GALNT13: variants seen among roughly 807,000 people sequenced by gnomAD.
The protein encoded by GALNT13 is UDP-GalNAc:polypeptide N-acetylgalactosaminyltransferase 13.
Under a neutral mutation model 64.2 loss-of-function variants are expected in GALNT13, and 28 were observed. That is an observed-to-expected ratio of 0.44 (90% CI 0.32 to 0.60). The LOEUF (loss-of-function observed/expected upper bound fraction) is 0.60, where lower values mean the gene tolerates loss of function less well. Among genes scored for constraint, GALNT13 ranks in the 20% least tolerant of loss-of-function variants. The pLI, the probability that GALNT13 is intolerant of heterozygous loss-of-function variation, is 0.05. For synonymous variants in GALNT13, 214 were observed against 224.6 expected (o/e 0.95, Z 0.42); for missense variants, 577 against 669.8 (o/e 0.86, Z 1.53).
At chr2:153,715,572 A>T in the GALNT13 span, among the ~76,000 whole-genome samples, 1 of 152,264 alleles carries the variant, frequency 6.6e-6, no homozygotes, top group Admixed American at 6.5e-5. Flanking sequence ...GAAAACATAC[A>T]TAAATTAAGA....
the GALNT13 span, among the ~76,000 whole-genome samples, chr2:153,199,746 A>G: frequency 2.6e-5 from 4 of 152,344 alleles, no homozygotes; most frequent in African/African-American, 7.2e-5. Context: ...TAAATTTACC[A>G]GAAAAGCAAT....
At chr2:154,169,084 C>T (rs745663884) in intron 4 of GALNT13, among the ~76,000 whole-genome samples, 1 of 151,926 alleles carries the variant, frequency 6.6e-6, no homozygotes, top group African/African-American at 2.4e-5. Context: ...CCTGTTCTCT[C>T]AGGAACTGAC....
At chr2:153,564,922 A>C in the GALNT13 span, among the ~76,000 whole-genome samples, 1 of 152,146 alleles carries the variant, frequency 6.6e-6, no homozygotes. Flanking sequence ...CCAAATTGTA[A>C]ACTGCCTATG....
At chr2:154,122,004 G>A (rs1681975552) in intron 3 of GALNT13, among the ~76,000 whole-genome samples, 1 of 151,904 alleles carries the variant, frequency 6.6e-6, no homozygotes, top group South Asian at 2.1e-4. Flanking sequence ...TATTCAAGTC[G>A]AGGAATTTCT....
At chr2:153,835,939 G>A in the GALNT13 span, among the ~76,000 whole-genome samples, 3 of 151,880 alleles carry the variant, frequency 2.0e-5, no homozygotes, top group Non-Finnish European at 2.9e-5. Flanking sequence ...TGCCATTTTG[G>A]GGGGAATAGT....
At chr2:153,705,988 C>T in the GALNT13 span, among the ~76,000 whole-genome samples, 1 of 150,878 alleles carries the variant, frequency 6.6e-6, no homozygotes, top group African/African-American at 2.4e-5. Flanking sequence ...GTATTGAGGA[C>T]TATATATATA....
the GALNT13 span, among the ~76,000 whole-genome samples, chr2:153,219,331 T>C: frequency 1.3e-5 from 2 of 152,226 alleles, no homozygotes. Context: ...CTCTGGTTCA[T>C]GGACAGAAAA....
At chr2:153,230,632 CT>C in the GALNT13 span, among the ~76,000 whole-genome samples, 5 of 152,184 alleles carry the variant, frequency 3.3e-5, no homozygotes, top group African/African-American at 4.8e-5. Context: ...TCATTTCCCC[CT>C]GGAATGATTA....
the GALNT13 span, among the ~76,000 whole-genome samples, chr2:153,207,917 T>C: frequency 6.6e-6 from 1 of 152,160 alleles, no homozygotes; most frequent in Non-Finnish European, 1.5e-5. Flanking sequence ...TTTTCTTGCC[T>C]CCACAAAATT....
the GALNT13 span, among the ~76,000 whole-genome samples, chr2:153,420,270 AC>A: frequency 2.0e-5 from 3 of 152,150 alleles, no homozygotes; most frequent in Admixed American, 2.0e-4. Flanking sequence ...ATGTATTTTT[AC>A]CACAATAAAA....
chr2:153,802,618 C>G, the GALNT13 span, among the ~76,000 whole-genome samples: 2 of 152,148 alleles, frequency 1.3e-5, no homozygotes, highest in African/African-American at 4.8e-5. Context: ...GATATGGATG[C>G]CAATTTCATG....
chr2:153,612,390 C>G, the GALNT13 span, among the ~76,000 whole-genome samples: 1 of 151,912 alleles, frequency 6.6e-6, no homozygotes, highest in East Asian at 1.9e-4. Flanking sequence ...CACATGCACA[C>G]GTAGTATGTT....
At chr2:153,469,367 C>A in the GALNT13 span, among the ~76,000 whole-genome samples, 1 of 152,058 alleles carries the variant, frequency 6.6e-6, no homozygotes, top group Admixed American at 6.6e-5. Flanking sequence ...CTCTTCCAAC[C>A]ACACTATCAG....
chr2:153,233,184 T>G, the GALNT13 span, among the ~76,000 whole-genome samples: 2 of 152,200 alleles, frequency 1.3e-5, no homozygotes, highest in African/African-American at 4.8e-5. Context: ...TCATTTTGCC[T>G]TCCTTGAAAA....
At chr2:153,658,094 C>T in the GALNT13 span, among the ~76,000 whole-genome samples, 2 of 152,116 alleles carry the variant, frequency 1.3e-5, no homozygotes, top group South Asian at 2.1e-4. Flanking sequence ...ATTCAAGACC[C>T]CTTCTCAGGG....
chr2:154,098,358 T>C (rs917827046), intron 3 of GALNT13, among the ~76,000 whole-genome samples: 1 of 152,020 alleles, frequency 6.6e-6, no homozygotes, highest in Non-Finnish European at 1.5e-5. Context: ...TTTTTCTTCG[T>C]ACTCTTTTCT....
chr2:153,871,892 G>T (rs1329157661), upstream of GALNT13: 5 of 151,278 alleles, frequency 3.3e-5, no homozygotes, highest in African/African-American at 1.2e-4. Flanking sequence ...GCGGGCTGGG[G>T]TGGGAGGGGG....
At chr2:153,246,455 A>G in the GALNT13 span, among the ~76,000 whole-genome samples, 1 of 152,256 alleles carries the variant, frequency 6.6e-6, no homozygotes, top group Non-Finnish European at 1.5e-5. Flanking sequence ...ATCTCTCTGC[A>G]GAAAACCCAC....
intron 11 of GALNT13, among the ~76,000 whole-genome samples, chr2:154,434,658 T>C (rs1428503253): frequency 6.6e-6 from 1 of 152,152 alleles, no homozygotes; most frequent in Non-Finnish European, 1.5e-5. Flanking sequence ...TTAGTGGTTG[T>C]TTGTAGACCT....
Sources: allele counts gnomAD v4.1 joint callset (sites outside exome capture counted in the v4.1 genomes callset), GRCh38; gene constraint gnomAD v4.1.1; transcripts MANE v1.5; gene names NCBI Gene and HGNC (gene_info 2026-07-23, HGNC 2026-07-21).